EPHB3: variants seen among roughly 807,000 people sequenced by gnomAD.
EPHB3 encodes ephrin type-B receptor 3.
In EPHB3, 33 loss-of-function variants were observed where a neutral mutation model predicts 100.2. The ratio of observed to expected loss-of-function variants is 0.33; its 90% CI spans 0.25 to 0.44. EPHB3 has a LOEUF of 0.44. Among genes scored for constraint, EPHB3 ranks in the 20% least tolerant of loss-of-function variants. The pLI is 1.00. For missense variants in EPHB3, 1,045 were observed against 1,378.3 expected, an observed-to-expected ratio of 0.76 and a Z score of 3.83; for synonymous variants, 526 against 554.7, an observed-to-expected ratio of 0.95 and a Z score of 0.73.
rs1357171765 is a variant in EPHB3, at chr3:184,581,123, G to A, written c.2690G>A (p.Arg897His). ...QIVNTLDKLI[R>H]NAASLKVIAS... is the part of the protein sequence containing the mutation. The stretch of plus-strand genomic sequence containing the variant: ...GTCAATACCCTGGACAAGCTCATCC[G>A]CAATGCTGCCAGCCTCAAGGTCATT... Residue 897 changes from arginine to histidine, a missense_variant, in exon 14 of 16, where the codon CGC (arginine) becomes CAC (histidine). Transcript: ENST00000330394. The A allele has an allele frequency of 3.1e-6, 5 of 1,614,070 alleles. No individual in the cohort carries two copies. In the Admixed American group the frequency reaches 5.0e-5, roughly 16 times the overall value.
rs1577518909 is a variant in EPHB3 at position 184,562,434 on chromosome 3, G to A, written c.118+81G>A. The A allele has an allele frequency of 8.8e-7, 1 of 1,137,040 alleles. No individual in the cohort carries two copies. Among genetic ancestry groups the A allele is most frequent in the Non-Finnish European group, 1.1e-6 (1 of 926,672 alleles). 70.4% of individuals were successfully genotyped at this position (1,137,040 alleles called of 1,614,324 possible). ...CGGGCTAGCAGCGTGGGTCCGACCC[G>A]GATTGAGCGCACGTCGGAGGAGGCC... is the stretch of plus-strand genomic sequence containing the variant. On this transcript the variant is annotated intron_variant, in intron 1 of 15. Coordinates refer to ENST00000330394, the MANE Select transcript of EPHB3 (RefSeq NM_004443.4). This position sits in a 1 kb window ranked among gnomAD's most constrained non-coding sequence, Gnocchi z 4.8.
chr3:184,575,710 G>C, intron 3 of EPHB3, 120 bp from the exon 4 acceptor site: 1 of 1,281,782 alleles, frequency 7.8e-7, no homozygotes, highest in Non-Finnish European at 1.0e-6. Flanking sequence ...TGCCCCCACA[G>C]TCTAGGAGGT....
At chr3:184,575,360 C>A (rs1451776087) in intron 3 of EPHB3, among the ~76,000 whole-genome samples, 1 of 152,210 alleles carries the variant, frequency 6.6e-6, no homozygotes, top group African/African-American at 2.4e-5. Flanking sequence ...GCGAGAGCTT[C>A]ACTGTGAAGG....
Position 184,571,428 on chromosome 3 carries a change from C to G in EPHB3, c.183+46C>G, listed in dbSNP as rs1714536805. On this transcript the variant is annotated intron_variant, in intron 2 of 15. Transcript: ENST00000330394. The surrounding 1 kb of genome is among the most constrained non-coding windows in gnomAD (Gnocchi z 5.0). Reference sequence around the variant, plus strand: ...TCCTGAGTGTTGTTTGCCATTAGGCCTCCCCCCACTTCCAGCCTCCGTGCC... The same window carrying G: ...TCCTGAGTGTTGTTTGCCATTAGGCGTCCCCCCACTTCCAGCCTCCGTGCC... 1 of 1,604,688 alleles carries G rather than the reference C, an allele frequency of 6.2e-7. No homozygotes were observed. Among genetic ancestry groups the G allele is most frequent in the African/African-American group, 1.3e-5 (1 of 74,698 alleles).
At chr3:184,575,302 C>A (rs1714644709) in intron 3 of EPHB3, 6 of 938,182 alleles carry the variant, frequency 6.4e-6, no homozygotes, top group Non-Finnish European at 7.6e-6. Context: ...CAGCCCCCAT[C>A]CCTGCCCAAG....
In EPHB3 at chr3:184,581,503, T is replaced by C; in HGVS notation, c.2889-11T>C. The C allele has an allele frequency of 3.1e-6, 5 of 1,610,256 alleles. No homozygotes were observed. Among genetic ancestry groups the C allele is most frequent in the Non-Finnish European group, 3.4e-6 (4 of 1,178,292 alleles). On this transcript the variant is annotated splice_polypyrimidine_tract_variant and intron_variant, in intron 15 of 15. Transcript: ENST00000330394. Reference sequence around the variant, plus strand: ...GGAAAGGGACTGATCCTAATTTGGCTCCACCTGCAGAGACCTGCTCCGTAT... The same window carrying C: ...GGAAAGGGACTGATCCTAATTTGGCCCCACCTGCAGAGACCTGCTCCGTAT...
intron 3 of EPHB3, among the ~76,000 whole-genome samples, chr3:184,574,151 A>G (rs1442632263): frequency 6.6e-6 from 1 of 152,238 alleles, no homozygotes; most frequent in African/African-American, 2.4e-5. Flanking sequence ...TGTCTGGCAC[A>G]TGGGAGCACA....
intron 1 of EPHB3, among the ~76,000 whole-genome samples, chr3:184,566,387 C>T (rs1408399477): frequency 6.6e-6 from 1 of 152,248 alleles, no homozygotes; most frequent in Admixed American, 6.5e-5. Context: ...AATGTGTTCT[C>T]TGTTCTGAGA....
At position 184,573,948 on chromosome 3, in the gene EPHB3, C is replaced by T. The variant is rs1346429456; in HGVS notation, c.856+772C>T. Among the ~76,000 whole-genome samples, 1 of 152,076 alleles carries T rather than the reference C, an allele frequency of 6.6e-6. No individual in the cohort carries two copies. The highest frequency in any genetic ancestry group is 2.4e-5 in the African/African-American group (1 of 41,414). ...CAGGCTGGTCTCGAACTCCTGACCT[C>T]AAGTGATCCACCCGCCTCGGCCTCC... On this transcript the variant is annotated intron_variant, in intron 3 of 15. Transcript: ENST00000330394. The surrounding 1 kb of genome is among the most constrained non-coding windows in gnomAD (Gnocchi z 4.5).
At chr3:184,580,704 G>T (rs1240019838) in intron 12 of EPHB3, 25 bp from the exon 13 acceptor site, 1 of 1,612,490 alleles carries the variant, frequency 6.2e-7, no homozygotes, top group Non-Finnish European at 8.5e-7. Flanking sequence ...GTCACAGGGT[G>T]AAGGGCCTGT....
rs376353534 is a variant in EPHB3 at position 184,571,305 on chromosome 3, G to A, written c.119-13G>A. 40 of 1,613,770 alleles carry A rather than the reference G, an allele frequency of 2.5e-5. No individual in the cohort carries two copies. Among genetic ancestry groups the A allele is most frequent in the Admixed American group, 1.5e-4 (9 of 60,010 alleles). The stretch of plus-strand genomic sequence containing the variant: ...AGATTAGTCCCTGACCTTTTTCTCC[G>A]TTGTTCCTCCAGAGACCCTCATGGA... On this transcript the variant is annotated splice_polypyrimidine_tract_variant and intron_variant, in intron 1 of 15. Transcript: ENST00000330394. This position sits in a 1 kb window ranked among gnomAD's most constrained non-coding sequence, Gnocchi z 5.0.
In EPHB3 at chr3:184,571,317, G is replaced by A. The variant is rs1250214067; in HGVS notation, c.119-1G>A. On this transcript the variant is annotated splice_acceptor_variant, in intron 1 of 15. Transcript: ENST00000330394. LOFTEE classifies it high-confidence loss of function. The surrounding 1 kb of genome is among the most constrained non-coding windows in gnomAD (Gnocchi z 5.0). ...GACCTTTTTCTCCGTTGTTCCTCCA[G>A]AGACCCTCATGGACACAAAATGGGT... 6.2e-7 allele frequency: 1 copy of A among 1,613,862 alleles called. No individual in the cohort carries two copies. The highest frequency in any genetic ancestry group is 8.5e-7 in the Non-Finnish European group (1 of 1,179,920).
intron 4 of EPHB3, among the ~76,000 whole-genome samples, chr3:184,576,622 G>A (rs1248186224): frequency 6.6e-6 from 1 of 152,230 alleles, no homozygotes; most frequent in East Asian, 1.9e-4. Context: ...GGGCAAGGAC[G>A]AATCAAGGAA....
At chr3:184,570,977 A>G (rs1267170653) in intron 1 of EPHB3, among the ~76,000 whole-genome samples, 1 of 97,598 alleles carries the variant, frequency 1.0e-5, no homozygotes, top group African/African-American at 3.4e-5. Context: ...TTTTTTAGAC[A>G]GAGTTTCTCT....
intron 1 of EPHB3, among the ~76,000 whole-genome samples, chr3:184,564,058 C>A (rs1269738821): frequency 2.6e-5 from 4 of 152,190 alleles, no homozygotes; most frequent in Non-Finnish European, 4.4e-5. Context: ...CTCAGGAGTC[C>A]AGGCCCTAGC....
intron 3 of EPHB3, chr3:184,575,317 GA>G: frequency 2.4e-6 from 2 of 847,394 alleles, no homozygotes; most frequent in Non-Finnish European, 2.8e-6. Context: ...CCCAAGGGCA[GA>G]CAGGAGCTGC....
intron 1 of EPHB3, among the ~76,000 whole-genome samples, chr3:184,566,716 C>A (rs1370382614): frequency 6.6e-6 from 1 of 152,208 alleles, no homozygotes; most frequent in Non-Finnish European, 1.5e-5. Flanking sequence ...GGCCCCCTGC[C>A]CTCCTGCCCC....
In EPHB3 at chr3:184,563,339, G is replaced by A. The variant is rs957696984; in HGVS notation, c.118+986G>A. Among the ~76,000 whole-genome samples the A allele has an allele frequency of 2.0e-5, 3 of 152,138 alleles. No individual in the cohort carries two copies. Among genetic ancestry groups the A allele is most frequent in the Non-Finnish European group, 4.4e-5 (3 of 68,032 alleles). ...AGAACCTTCCCTAAAGTGGAGGGAG[G>A]GACGCCACAGAAATTCGAGGGCAAT... On this transcript the variant is annotated intron_variant, in intron 1 of 15. Transcript: ENST00000330394. The surrounding 1 kb of genome is among the most constrained non-coding windows in gnomAD (Gnocchi z 4.1).
At position 184,572,631 on chromosome 3, in the gene EPHB3, G is replaced by A. The variant is rs772010344; in HGVS notation, c.311G>A (p.Arg104Gln). 7.7e-6 allele frequency: 12 copies of A among 1,557,108 alleles called. No homozygotes were observed. The highest frequency in any genetic ancestry group is 4.0e-5 in the Admixed American group (2 of 50,500). The change falls in exon 3 of 16, where the codon CGG becomes CAG. Residue 104 changes from arginine (R) to glutamine (Q), a missense_variant. Arg to Gln is a conservative substitution (Grantham distance 43). This residue lies in a region of EPHB3 where 985 missense variants were observed against 1,331.1 expected (regional missense o/e 0.74). Transcript: ENST00000330394. The surrounding 1 kb of genome is among the most constrained non-coding windows in gnomAD (Gnocchi z 6.6). ...TTCATCTGGCGGCGGGATGTGCAGC[G>A]GGTCTACGTGGAGCTCAAGTTCACT... is the stretch of plus-strand genomic sequence containing the variant. ...TGFIWRRDVQ[R>Q]VYVELKFTVR...
Sources: allele counts gnomAD v4.1 joint callset (sites outside exome capture counted in the v4.1 genomes callset), GRCh38; gene constraint gnomAD v4.1.1; regional missense constraint gnomAD v4.1.1; non-coding constraint Gnocchi (gnomAD v3.1); transcripts MANE v1.5; gene names NCBI Gene and HGNC (gene_info 2026-07-23, HGNC 2026-07-21).